The following IQCM variants were observed in gnomAD, a reference collection of about 807,000 sequenced individuals.
The protein encoded by IQCM is IQ motif containing M, also known as IQ domain-containing protein M.
Under a neutral mutation model 57.6 loss-of-function variants are expected in IQCM, and 45 were observed. The observed-to-expected ratio is 0.78, with a 90% confidence interval of 0.62 to 1.00. The LOEUF is 1.00. Among genes scored for constraint, IQCM ranks in the 50% least tolerant of loss-of-function variants. The probability of loss-of-function intolerance (pLI) is 0.00; values close to 1 mark genes in which losing one functional copy is unlikely to be tolerated. For missense variants in IQCM, 468 were observed against 511.6 expected (o/e 0.91, Z 0.82); for synonymous variants, 148 against 158.9 (o/e 0.93, Z 0.51).
At position 149,438,173 on chromosome 4, in the gene IQCM, C is replaced by T. The variant is rs188200782; in HGVS notation, c.1229-4616G>A. Among the ~76,000 whole-genome samples, 32 of 151,726 alleles carry T rather than the reference C, an allele frequency of 2.1e-4. No homozygotes were observed. The East Asian group carries it at 6.2e-3, about 30-fold the overall frequency. ...AAATAGCCTAATCCTTTATCTTTACCCTGTACTGGTACTATTAACTAAATG... is the reference window on the plus strand; with the variant it reads ...AAATAGCCTAATCCTTTATCTTTACTCTGTACTGGTACTATTAACTAAATG... On this transcript the variant is annotated intron_variant, in intron 12 of 13. Transcript: ENST00000636793.
chr4:149,641,675 A>T (rs1179743031), intron 7 of IQCM, among the ~76,000 whole-genome samples: 4 of 152,172 alleles, frequency 2.6e-5, no homozygotes, highest in Admixed American at 6.5e-5. Context: ...AAATATTATT[A>T]TATCAGAAAA....
chr4:149,790,703 C>T (rs1037709855), intron 2 of IQCM, among the ~76,000 whole-genome samples: 2 of 152,134 alleles, frequency 1.3e-5, no homozygotes, highest in African/African-American at 4.8e-5. Flanking sequence ...TAACCAGGTA[C>T]TAATTTTAGA....
intron 7 of IQCM, among the ~76,000 whole-genome samples, chr4:149,640,414 A>G (rs934532973): frequency 6.6e-5 from 10 of 152,218 alleles, no homozygotes; most frequent in Non-Finnish European, 1.2e-4. Context: ...AATGCTTCAC[A>G]ATTTATAAAT....
intron 12 of IQCM, among the ~76,000 whole-genome samples, chr4:149,459,210 C>T (rs1450920561): frequency 6.6e-6 from 1 of 152,174 alleles, no homozygotes; most frequent in Non-Finnish European, 1.5e-5. Flanking sequence ...AAAAACAAAA[C>T]ACATACAGGA....
intron 12 of IQCM, among the ~76,000 whole-genome samples, chr4:149,471,453 T>C (rs556883440): frequency 9.2e-5 from 14 of 151,872 alleles, no homozygotes; most frequent in Non-Finnish European, 1.9e-4. Context: ...CAATAACAGG[T>C]TCTGAAGTTG....
rs541664487 is a variant in IQCM, at chr4:149,693,280, G to A, written c.386-6812C>T. On this transcript the variant is annotated intron_variant, in intron 5 of 13. Transcript: ENST00000636793. ...CTACCTTCTAACCCTTTACTTGAAT[G>A]ATATGGTCCATGACCTTGGCTATAT... is the stretch of plus-strand genomic sequence containing the variant. Among the ~76,000 whole-genome samples the A allele has an allele frequency of 9.2e-5, 14 of 152,266 alleles. No homozygotes were observed. The Middle Eastern group carries it at 0.014, about 148-fold the overall frequency.
chr4:149,373,835 T>C (rs1730528681), intron 13 of IQCM, among the ~76,000 whole-genome samples: 1 of 152,122 alleles, frequency 6.6e-6, no homozygotes, highest in Non-Finnish European at 1.5e-5. Context: ...CAGAGGCCCA[T>C]GGAACTCAAA....
intron 12 of IQCM, among the ~76,000 whole-genome samples, chr4:149,520,435 G>C (rs1474971374): frequency 6.6e-6 from 1 of 151,944 alleles, no homozygotes; most frequent in Non-Finnish European, 1.5e-5. Flanking sequence ...TTCTCAAAAT[G>C]TCCTATTTGT....
intron 2 of IQCM, among the ~76,000 whole-genome samples, chr4:149,807,267 A>T (rs1774172929): frequency 6.6e-6 from 1 of 151,978 alleles, no homozygotes; most frequent in South Asian, 2.1e-4. Flanking sequence ...TATTCTAAAA[A>T]AGCTACGGTA....
intron 12 of IQCM, among the ~76,000 whole-genome samples, chr4:149,460,912 A>C (rs1738204486): frequency 6.6e-6 from 1 of 152,172 alleles, no homozygotes; most frequent in African/African-American, 2.4e-5. Flanking sequence ...TTACACACTA[A>C]AATTTTTCTG....
chr4:149,780,928 G>C (rs746026351), intron 2 of IQCM, among the ~76,000 whole-genome samples: 9 of 152,136 alleles, frequency 5.9e-5, no homozygotes, highest in Non-Finnish European at 1.0e-4. Flanking sequence ...AAGATGAGTG[G>C]TTTAGACATG....
chr4:149,795,117 T>C (rs1293680847), intron 2 of IQCM, among the ~76,000 whole-genome samples: 1 of 152,184 alleles, frequency 6.6e-6, no homozygotes, highest in African/African-American at 2.4e-5. Context: ...TAAAATTAGT[T>C]GAATGCTCTT....
chr4:149,486,177 A>T (rs1050821513), intron 12 of IQCM, among the ~76,000 whole-genome samples: 1 of 151,952 alleles, frequency 6.6e-6, no homozygotes, highest in African/African-American at 2.4e-5. Flanking sequence ...ACAGCACTTG[A>T]TCTTGCTCAA....
At chr4:149,654,371 T>C (rs1195755419) in intron 7 of IQCM, among the ~76,000 whole-genome samples, 1 of 152,112 alleles carries the variant, frequency 6.6e-6, no homozygotes. Context: ...CTCCTCACCA[T>C]AGTGAGTGGG....
chr4:149,558,989 C>T (rs1749858340), intron 10 of IQCM, among the ~76,000 whole-genome samples: 1 of 152,162 alleles, frequency 6.6e-6, no homozygotes, highest in African/African-American at 2.4e-5. Context: ...TTCCTTTCTT[C>T]TGCTCCCTCT....
intron 12 of IQCM, among the ~76,000 whole-genome samples, chr4:149,445,841 C>A (rs768738565): frequency 2.0e-5 from 3 of 151,704 alleles, no homozygotes; most frequent in Non-Finnish European, 4.4e-5. Flanking sequence ...AAAGGAATAT[C>A]ATTTTTTCCC....
chr4:149,605,188 T>G (rs889129547), intron 8 of IQCM, among the ~76,000 whole-genome samples: 3 of 152,188 alleles, frequency 2.0e-5, no homozygotes, highest in African/African-American at 7.2e-5. Context: ...GCTTCTACAG[T>G]ACAGAAAGAA....
intron 5 of IQCM, among the ~76,000 whole-genome samples, chr4:149,696,865 A>G (rs1166564688): frequency 6.6e-6 from 1 of 152,160 alleles, no homozygotes; most frequent in Admixed American, 6.5e-5. Context: ...CTCATCTTCC[A>G]TTAGCCAAAA....
intron 12 of IQCM, among the ~76,000 whole-genome samples, chr4:149,544,059 C>G (rs1247967541): frequency 4.6e-5 from 7 of 152,060 alleles, no homozygotes; most frequent in African/African-American, 1.4e-4. Context: ...TCTTTACATT[C>G]TGATTTACTC....
Sources: gnomAD v4.1 joint callset for allele counts (sites outside exome capture counted in the v4.1 genomes callset) on GRCh38, gnomAD v4.1.1 for gene constraint, MANE v1.5 for transcripts, NCBI Gene and HGNC (gene_info 2026-07-23, HGNC 2026-07-21) for gene names.